ALPK1: variants seen among roughly 807,000 people sequenced by gnomAD.
ALPK1 encodes alpha kinase 1.
In ALPK1, 110 loss-of-function variants were observed where a neutral mutation model predicts 120.6. The ratio of observed to expected loss-of-function variants is 0.91; its 90% CI spans 0.78 to 1.07. The LOEUF (loss-of-function observed/expected upper bound fraction) is 1.07, where lower values mean the gene tolerates loss of function less well. ALPK1 is among the 50% of genes least tolerant of loss of function. ALPK1 has a pLI of 0.00. For synonymous variants in ALPK1, 582 were observed against 560.3 expected (o/e 1.04, Z -0.55); for missense variants, 1,498 against 1,483.9 (o/e 1.01, Z -0.16).
At chr4:112,429,080 T>G (rs1372339455) in intron 9 of ALPK1, 69 bp from the exon 10 acceptor site, 34 of 1,373,342 alleles carry the variant, frequency 2.5e-5, no homozygotes, top group Non-Finnish European at 3.4e-5. Flanking sequence ...CAAAACCATT[T>G]CATAGCCTGT....
intron 2 of ALPK1, among the ~76,000 whole-genome samples, chr4:112,327,933 T>C (rs1287205770): frequency 6.6e-6 from 1 of 152,210 alleles, no homozygotes; most frequent in East Asian, 1.9e-4. Context: ...GTAATAGTCA[T>C]CAGTTGTGGC....
chr4:112,324,584 C>T (rs1729024358), intron 2 of ALPK1, among the ~76,000 whole-genome samples: 1 of 152,088 alleles, frequency 6.6e-6, no homozygotes, highest in South Asian at 2.1e-4. Context: ...CACAAGAAAT[C>T]CTCCCTCTCA....
intron 4 of ALPK1, among the ~76,000 whole-genome samples, chr4:112,390,567 A>G (rs1186766427): frequency 6.6e-6 from 1 of 152,144 alleles, no homozygotes; most frequent in Non-Finnish European, 1.5e-5. Context: ...TAAAATGCAT[A>G]CCTTCAAAGA....
intron 4 of ALPK1, chr4:112,383,829 T>A (rs1448570195): frequency 6.6e-6 from 1 of 152,220 alleles, no homozygotes; most frequent in Non-Finnish European, 1.5e-5. Flanking sequence ...AAAATGCATT[T>A]ACTACACCCA....
At chr4:112,353,547 T>C (rs1486226038) in intron 2 of ALPK1, among the ~76,000 whole-genome samples, 3 of 152,128 alleles carry the variant, frequency 2.0e-5, no homozygotes, top group Non-Finnish European at 4.4e-5. Context: ...TGATTGTTAT[T>C]ATCCATTTAC....
intron 5 of ALPK1, among the ~76,000 whole-genome samples, chr4:112,421,343 G>A (rs1733982191): frequency 6.6e-6 from 1 of 152,110 alleles, no homozygotes; most frequent in Non-Finnish European, 1.5e-5. Flanking sequence ...ACAAACCAAA[G>A]GGATACAGGA....
chr4:112,345,123 G>C (rs759068265), intron 2 of ALPK1, among the ~76,000 whole-genome samples: 1 of 152,190 alleles, frequency 6.6e-6, no homozygotes, highest in African/African-American at 2.4e-5. Flanking sequence ...TGCTCATTCA[G>C]AGTTGTAGCC....
Position 112,431,855 on chromosome 4 carries a change from A to G in ALPK1, c.2308A>G (p.Ser770Gly). 6.2e-7 allele frequency: 1 copy of G among 1,614,114 alleles called. No homozygotes were observed. Among genetic ancestry groups the G allele is most frequent in the Non-Finnish European group, 8.5e-7 (1 of 1,180,036 alleles). The change falls in exon 11 of 16, where the codon AGT becomes GGT. Residue 770 changes from serine (S) to glycine (G), a missense_variant. Ser to Gly is a moderately conservative substitution (Grantham distance 56). Transcript: ENST00000650871. The stretch of plus-strand genomic sequence containing the variant: ...GGGGAAAGAGCAGGGAGAAGAAATT[A>G]GTGAAAGAGGCGCAGGCCCTACATT... ...RQGKEQGEEISERGAGPTFKA... is the reference protein window; with the variant it reads ...RQGKEQGEEIGERGAGPTFKA...
chr4:112,312,610 G>A (rs1016872602), intron 1 of ALPK1, among the ~76,000 whole-genome samples: 1 of 152,278 alleles, frequency 6.6e-6, no homozygotes, highest in Admixed American at 6.5e-5. Context: ...ATACAGCATG[G>A]AGACTCTTTA....
chr4:112,387,591 C>G (rs1194026593), intron 4 of ALPK1, among the ~76,000 whole-genome samples: 1 of 152,076 alleles, frequency 6.6e-6, no homozygotes, highest in Non-Finnish European at 1.5e-5. Context: ...AACTCTACAA[C>G]CATGAAAAAT....
chr4:112,388,764 G>A (rs968924112), intron 4 of ALPK1, among the ~76,000 whole-genome samples: 8 of 152,154 alleles, frequency 5.3e-5, no homozygotes, highest in African/African-American at 1.9e-4. Context: ...TTCATGTCCT[G>A]GAAAACTACA....
At chr4:112,304,377 G>C (rs1021537316) in intron 1 of ALPK1, among the ~76,000 whole-genome samples, 1 of 152,080 alleles carries the variant, frequency 6.6e-6, no homozygotes, top group Non-Finnish European at 1.5e-5. Context: ...CAGTGTAAAA[G>C]TGTTCCTATT....
intron 4 of ALPK1, among the ~76,000 whole-genome samples, chr4:112,397,076 C>T (rs1193518460): frequency 1.3e-5 from 2 of 152,092 alleles, no homozygotes; most frequent in Admixed American, 1.3e-4. Context: ...AGTGCCTGGC[C>T]CTGTGGCGTT....
chr4:112,388,799 T>C (rs930546050), intron 4 of ALPK1, among the ~76,000 whole-genome samples: 4 of 152,234 alleles, frequency 2.6e-5, no homozygotes, highest in African/African-American at 9.6e-5. Context: ...GGGCAACCCT[T>C]GTCAAAGTCC....
In ALPK1 at chr4:112,406,633, T is replaced by G. The variant is rs574460821; in HGVS notation, c.277-5194T>G. 7.9e-5 allele frequency among the ~76,000 whole-genome samples: 12 copies of G among 152,224 alleles called. No homozygotes were observed. In the South Asian group the frequency reaches 2.5e-3, roughly 32 times the overall value. ...ATAGAAACCACAGAATTCCTCTTCC[T>G]CAAGGCAAGTCATAGAAGTTAGAAT... On this transcript the variant is annotated intron_variant, in intron 4 of 15. Coordinates refer to ENST00000650871, the MANE Select transcript of ALPK1 (RefSeq NM_025144.4).
At chr4:112,375,255 C>T (rs781462333) in intron 2 of ALPK1, among the ~76,000 whole-genome samples, 111 of 150,654 alleles carry the variant, frequency 7.4e-4, no homozygotes, top group Non-Finnish European at 1.3e-3. Context: ...TCACAGCTCA[C>T]TCCAGCCTCA....
chr4:112,412,272 C>G (rs1436665916), intron 5 of ALPK1: 1 of 629,310 alleles, frequency 1.6e-6, no homozygotes. Context: ...GTGGAAAATA[C>G]TAATTGGAGC....
At position 112,432,548 on chromosome 4, in the gene ALPK1, G is replaced by A. The variant is rs774429273; in HGVS notation, c.3001G>A (p.Val1001Ile). ...GTTTCAGAGACTAGAGAATACGGGGGTTTTTAAGCCCAGTCAACTCCACCG... is the reference window on the plus strand; with the variant it reads ...GTTTCAGAGACTAGAGAATACGGGGATTTTTAAGCCCAGTCAACTCCACCG... ...WLFQRLENTG[V>I]FKPSQLHRAH... Residue 1001 changes from valine to isoleucine, a missense_variant, in exon 11 of 16, where the codon GTT (valine) becomes ATT (isoleucine). By Grantham distance (29) the Val-to-Ile change is conservative. Coordinates refer to ENST00000650871, the MANE Select transcript of ALPK1 (RefSeq NM_025144.4). 6.2e-7 allele frequency: 1 copy of A among 1,613,660 alleles called. No individual in the cohort carries two copies.
chr4:112,341,411 C>T (rs1245354386), intron 2 of ALPK1, among the ~76,000 whole-genome samples: 1 of 152,156 alleles, frequency 6.6e-6, no homozygotes, highest in Non-Finnish European at 1.5e-5. Flanking sequence ...TGGCCATTTT[C>T]AGATAAAGAT....
Sources: allele counts gnomAD v4.1 joint callset (sites outside exome capture counted in the v4.1 genomes callset), GRCh38; gene constraint gnomAD v4.1.1; transcripts MANE v1.5; gene names NCBI Gene and HGNC (gene_info 2026-07-23, HGNC 2026-07-21).